The following ZNF648 variants were observed in gnomAD, a reference collection of about 807,000 sequenced individuals.
ZNF648 encodes the protein zinc finger protein 648.
A neutral mutation model predicts 0.3 loss-of-function variants in ZNF648; 1 was observed. That is an observed-to-expected ratio of 3.90 (90% CI 1.39 to 18.51). The LOEUF is 18.51. Among genes scored for constraint, ZNF648 ranks in the 30% most tolerant of loss-of-function variants. The pLI, the probability that ZNF648 is intolerant of heterozygous loss-of-function variation, is 0.11. For missense variants in ZNF648, 874 were observed against 769.7 expected, an observed-to-expected ratio of 1.14 and a Z score of -1.60; for synonymous variants, 376 against 326.8, an observed-to-expected ratio of 1.15 and a Z score of -1.62.
chr1:182,065,891 G>A (rs758418987), upstream of ZNF648, among the ~76,000 whole-genome samples: 3 of 152,148 alleles, frequency 2.0e-5, no homozygotes, highest in Non-Finnish European at 4.4e-5. Flanking sequence ...TCCTGGGTGT[G>A]TTTCCCTTTT....
chr1:182,056,927 T>C lies in ZNF648; in HGVS notation c.1084A>G (p.Lys362Glu), dbSNP rs751664571. The stretch of plus-strand genomic sequence containing the variant: ...CCGCACTCGGAGCACGGGAAGGGCT[T>C]ATTGTTGCTGTGCATGTTGCGCTGG... ...KHQRNMHSNN[K>E]PFPCSECGLT... Residue 362 changes from lysine to glutamate, a missense_variant, in exon 2 of 2, where the codon AAG (lysine) becomes GAG (glutamate). Coordinates refer to ENST00000339948, the MANE Select transcript of ZNF648 (RefSeq NM_001009992.1). 1 of 1,609,936 alleles carries C rather than the reference T, an allele frequency of 6.2e-7. No individual in the cohort carries two copies. The highest frequency in any genetic ancestry group is 1.7e-5 in the Admixed American group (1 of 59,092).
At chr1:182,061,209 A>C (rs917740051) in intron 1 of ZNF648, among the ~76,000 whole-genome samples, 3 of 152,182 alleles carry the variant, frequency 2.0e-5, no homozygotes, top group African/African-American at 7.2e-5. Flanking sequence ...GTCTGCACAA[A>C]TATACCTGGT....
intron 1 of ZNF648, among the ~76,000 whole-genome samples, chr1:182,059,448 A>G (rs563399277): frequency 2.2e-4 from 33 of 152,322 alleles, no homozygotes; most frequent in African/African-American, 7.5e-4. Context: ...CAGGGGGACA[A>G]CTGTTGACCA....
intron 1 of ZNF648, among the ~76,000 whole-genome samples, chr1:182,059,154 G>A (rs1665990605): frequency 6.6e-6 from 1 of 152,096 alleles, no homozygotes; most frequent in African/African-American, 2.4e-5. Context: ...TAGTATTAAA[G>A]TTACCTGGGT....
At position 182,057,845 on chromosome 1, in the gene ZNF648, T is replaced by A. The variant is rs758061753; in HGVS notation, c.166A>T (p.Arg56Trp). ...EGTADPVACP[R>W]GSSPVTHENP... ...TCGTGTGTTACTGGGGAGCTGCCCC[T>A]TGGACAGGCCACCGGGTCAGCGGTG... The change falls in exon 2 of 2, where the codon AGG becomes TGG. Residue 56 changes from arginine (R) to tryptophan (W), a missense_variant. Transcript: ENST00000339948. The A allele has an allele frequency of 5.6e-6, 9 of 1,614,186 alleles. No homozygotes were observed. The highest frequency in any genetic ancestry group is 7.6e-6 in the Non-Finnish European group (9 of 1,180,022).
chr1:182,058,668 C>T lies in ZNF648; in HGVS notation c.-63-595G>A, dbSNP rs1157927776. Among the ~76,000 whole-genome samples, 5 of 152,298 alleles carry T rather than the reference C, an allele frequency of 3.3e-5. No homozygotes were observed. In the East Asian group the frequency reaches 9.7e-4, roughly 29 times the overall value. ...GTTGCCCCTCACTGATTAAGCGGGG[C>T]TTCTCAGGCCCTTGTAACTTCTGAG... is the stretch of plus-strand genomic sequence containing the variant. On this transcript the variant is annotated intron_variant, in intron 1 of 1. Transcript: ENST00000339948.
At position 182,056,501 on chromosome 1, in the gene ZNF648, A is replaced by C; in HGVS notation, c.1510T>G (p.Phe504Val). ...GCCCTGCCGCACTCGGCACAGAGGA[A>C]TCCCTTCTCCCCGGAGTGGATCTGT... ...HQQIHSGEKGFLCAECGRAFR... is the reference protein window; with the variant it reads ...HQQIHSGEKGVLCAECGRAFR... Residue 504 changes from phenylalanine to valine, a missense_variant, in exon 2 of 2, where the codon TTC becomes GTC. Physicochemically the swap from Phe to Val is conservative, Grantham distance 50. Coordinates refer to ENST00000339948, the MANE Select transcript of ZNF648 (RefSeq NM_001009992.1). The C allele has an allele frequency of 6.2e-7, 1 of 1,614,040 alleles. No individual in the cohort carries two copies. Among genetic ancestry groups the C allele is most frequent in the Non-Finnish European group, 8.5e-7 (1 of 1,179,968 alleles).
At chr1:182,060,237 G>A (rs901386200) in intron 1 of ZNF648, among the ~76,000 whole-genome samples, 11 of 152,228 alleles carry the variant, frequency 7.2e-5, no homozygotes, top group Admixed American at 2.6e-4. Context: ...GCCACTGCCT[G>A]TGGTGCTCAA....
chr1:182,057,158 C>G lies in ZNF648; in HGVS notation c.853G>C (p.Gly285Arg), dbSNP rs533801633. ...AAKRYACELC[G>R]KAYSHRGTLQ... is the part of the protein sequence containing the mutation. ...GTGCCGCGGTGGGAGTAGGCCTTCC[C>G]GCATAGCTCGCACGCGTAGCGCTTG... is the stretch of plus-strand genomic sequence containing the variant. The change falls in exon 2 of 2, where the codon GGG becomes CGG. Residue 285 changes from glycine to arginine, a missense_variant. By Grantham distance (125) the Gly-to-Arg change is moderately radical (BLOSUM62 -2). Coordinates refer to ENST00000339948, the MANE Select transcript of ZNF648 (RefSeq NM_001009992.1). 2 of 1,597,914 alleles carry G rather than the reference C, an allele frequency of 1.3e-6. No individual in the cohort carries two copies. The highest frequency in any genetic ancestry group is 1.7e-6 in the Non-Finnish European group (2 of 1,177,070).
chr1:182,068,400 G>T, the ZNF648 span: 2 of 152,228 alleles, frequency 1.3e-5, no homozygotes, highest in Non-Finnish European at 2.9e-5. Flanking sequence ...TCACTTTAGT[G>T]AGCCACAACC....
chr1:182,066,382 C>A (rs1443350194), upstream of ZNF648, among the ~76,000 whole-genome samples: 1 of 152,228 alleles, frequency 6.6e-6, no homozygotes, highest in Non-Finnish European at 1.5e-5. Flanking sequence ...GTCATCACAG[C>A]AATCTGCCTG....
chr1:182,057,197 G>C lies in ZNF648; in HGVS notation c.814C>G (p.Arg272Gly), dbSNP rs771276875. The change falls in exon 2 of 2, where the codon CGC (arginine) becomes GGC (glycine). Residue 272 changes from arginine (R) to glycine (G), a missense_variant. By Grantham distance (125) the Arg-to-Gly change is moderately radical. Coordinates refer to ENST00000339948, the MANE Select transcript of ZNF648 (RefSeq NM_001009992.1). ...GCGTAGCGCTTGGCGGCGCCGCCGC[G>C]CGTCTCCGCGGGGCTCAGCGGCTTG... is the stretch of plus-strand genomic sequence containing the variant. ...PSKPLSPAET[R>G]GGAAKRYACE... 1.3e-6 allele frequency: 2 copies of C among 1,574,716 alleles called. No individual in the cohort carries two copies. Among genetic ancestry groups the C allele is most frequent in the Non-Finnish European group, 1.7e-6 (2 of 1,166,358 alleles).
At position 182,056,248 on chromosome 1, in the gene ZNF648, C is replaced by T. The variant is rs1665902641; in HGVS notation, c.*56G>A. On this transcript the variant is annotated 3_prime_UTR_variant, in exon 2 of 2. Transcript: ENST00000339948. ...GGCTGACCAGTGAGGCTGGCAATAC[C>T]ATGTGAGTGGGCCCACCTGGGAAGG... 1 of 1,547,630 alleles carries T rather than the reference C, an allele frequency of 6.5e-7. No homozygotes were observed. Among genetic ancestry groups the T allele is most frequent in the African/African-American group, 1.4e-5 (1 of 73,160 alleles).
At chr1:182,059,814 A>G (rs1666002272) in intron 1 of ZNF648, among the ~76,000 whole-genome samples, 1 of 151,616 alleles carries the variant, frequency 6.6e-6, no homozygotes, top group Non-Finnish European at 1.5e-5. Flanking sequence ...AAAAAAAAAA[A>G]AAAAGATAGA....
In ZNF648 at chr1:182,055,509, G is replaced by A. The variant is rs1422816397; in HGVS notation, c.*795C>T. 1 of 152,180 alleles carries A rather than the reference G, an allele frequency of 6.6e-6. No individual in the cohort carries two copies. Among genetic ancestry groups the A allele is most frequent in the Non-Finnish European group, 1.5e-5 (1 of 68,042 alleles). The allele number at this position is 152,180 out of a possible 1,614,324, so 9.4% of individuals were successfully genotyped here. On this transcript the variant is annotated 3_prime_UTR_variant, in exon 2 of 2. Coordinates refer to ENST00000339948, the MANE Select transcript of ZNF648 (RefSeq NM_001009992.1). This position sits in a 1 kb window ranked among gnomAD's most constrained non-coding sequence, Gnocchi z 4.1. ...GTGCAAACAGGAAAAGAGGCAGCCA[G>A]AGAGAAGGCATATATGAATTTATAT...
rs751656329 is a variant in ZNF648 at position 182,057,812 on chromosome 1, C to G, written c.199G>C (p.Asp67His). ...CCCAGTGGATGGGGCCATGGCAAGT[C>G]AGGATTTTCGTGTGTTACTGGGGAG... ...GSSPVTHENP[D>H]LPWPHPLGKE... The change falls in exon 2 of 2, where the codon GAC becomes CAC. Residue 67 changes from aspartate to histidine, a missense_variant. Transcript: ENST00000339948. 1.9e-6 allele frequency: 3 copies of G among 1,614,216 alleles called. No homozygotes were observed. The East Asian group carries it at 6.7e-5, about 36-fold the overall frequency.
upstream of ZNF648, chr1:182,064,060 T>C (rs906866795): frequency 1.3e-5 from 2 of 152,224 alleles, no homozygotes; most frequent in Non-Finnish European, 2.9e-5. Context: ...CATTGGTCTA[T>C]GTGCCTGTTT....
At position 182,056,412 on chromosome 1, in the gene ZNF648, C is replaced by T; in HGVS notation, c.1599G>A (p.Gln533=). The part of the protein sequence containing the change: ...IRMHNGERPY[Q]CEDCGQAFTR... ...TGAAGGCCTGGCCGCAGTCCTCACA[C>T]TGGTAGGGCCTCTCTCCGTTGTGCA... The change falls in exon 2 of 2, where the codon CAG becomes CAA. Residue 533 remains glutamine (Q), a synonymous_variant. Coordinates refer to ENST00000339948, the MANE Select transcript of ZNF648 (RefSeq NM_001009992.1). 6.2e-7 allele frequency: 1 copy of T among 1,614,124 alleles called. No individual in the cohort carries two copies. The highest frequency in any genetic ancestry group is 8.5e-7 in the Non-Finnish European group (1 of 1,180,014).
At position 182,056,470 on chromosome 1, in the gene ZNF648, C is replaced by T. The variant is rs868122303; in HGVS notation, c.1541G>A (p.Arg514His). ...FLCAECGRAF[R>H]IASELAQHIR... ...GTGCTGGGCCAACTCAGAGGCAATG[C>T]GGAAGGCCCTGCCGCACTCGGCACA... is the stretch of plus-strand genomic sequence containing the variant. The change falls in exon 2 of 2, where the codon CGC becomes CAC. Residue 514 changes from arginine (R) to histidine (H), a missense_variant. Physicochemically the swap from Arg to His is conservative, Grantham distance 29. Coordinates refer to ENST00000339948, the MANE Select transcript of ZNF648 (RefSeq NM_001009992.1). The T allele has an allele frequency of 6.2e-7, 1 of 1,613,854 alleles. No individual in the cohort carries two copies. Among genetic ancestry groups the T allele is most frequent in the Non-Finnish European group, 8.5e-7 (1 of 1,179,912 alleles).
Sources: gnomAD v4.1 joint callset for allele counts (sites outside exome capture counted in the v4.1 genomes callset) on GRCh38, gnomAD v4.1.1 for gene constraint, Gnocchi (gnomAD v3.1) non-coding constraint, MANE v1.5 for transcripts, NCBI Gene and HGNC (gene_info 2026-07-23, HGNC 2026-07-21) for gene names.